Variants in SNAP29 observed in about 807,000 individuals in gnomAD.
SNAP29 encodes synaptosome associated protein 29.
SNAP29 carries 13 observed loss-of-function variants against 27.9 expected under a neutral mutation model. The ratio of observed to expected loss-of-function variants is 0.47; its 90% CI spans 0.30 to 0.74. The LOEUF is 0.74. SNAP29 is among the 30% of genes least tolerant of loss of function. The pLI is 0.06. For missense variants in SNAP29, 368 were observed against 336.5 expected, an observed-to-expected ratio of 1.09 and a Z score of -0.73; for synonymous variants, 119 against 127.1, an observed-to-expected ratio of 0.94 and a Z score of 0.43.
Position 20,890,546 on chromosome 22 carries a change from A to G in SNAP29, c.*2710A>G, listed in dbSNP as rs1929125116. ...GCCAAGGCGGGGGGATCACGAGGTC[A>G]GGAGATCGAGACCATCCTGGCTAAC... On this transcript the variant is annotated 3_prime_UTR_variant, in exon 5 of 5. Transcript: ENST00000215730. 5.4e-6 allele frequency: 2 copies of G among 367,544 alleles called. No homozygotes were observed. The highest frequency in any genetic ancestry group is 9.7e-6 in the Non-Finnish European group (2 of 207,062). The allele number at this position is 367,544 out of a possible 1,614,324, so 22.8% of individuals were successfully genotyped here.
chr22:20,862,246 A>G (rs1928342119), intron 1 of SNAP29, among the ~76,000 whole-genome samples: 2 of 152,208 alleles, frequency 1.3e-5, no homozygotes, highest in South Asian at 4.1e-4. Flanking sequence ...TTCAACTAAC[A>G]ACTATTTAAG....
intron 1 of SNAP29, among the ~76,000 whole-genome samples, chr22:20,866,909 G>C (rs1226130421): frequency 1.3e-5 from 2 of 152,170 alleles, no homozygotes; most frequent in Admixed American, 1.3e-4. Flanking sequence ...AGGTGACTCT[G>C]TGTGTGTATG....
chr22:20,880,236 G>A (rs983683436), intron 2 of SNAP29, among the ~76,000 whole-genome samples: 3 of 152,118 alleles, frequency 2.0e-5, no homozygotes, highest in Non-Finnish European at 4.4e-5. Context: ...AGTGGCTCAT[G>A]TCTGTAATCC....
Position 20,872,339 on chromosome 22 carries a change from A to G in SNAP29, c.434+1806A>G, listed in dbSNP as rs1475433306. 3.3e-5 allele frequency among the ~76,000 whole-genome samples: 5 copies of G among 151,922 alleles called. No individual in the cohort carries two copies. In the East Asian group the frequency reaches 9.7e-4, roughly 29 times the overall value. ...CACTGCAACCTCTGCCTTCCAGGTT[A>G]AAGCGATTCTCCTGCCTCAGCCTCC... On this transcript the variant is annotated intron_variant, in intron 2 of 4. Coordinates refer to ENST00000215730, the MANE Select transcript of SNAP29 (RefSeq NM_004782.4).
At chr22:20,870,584 G>A in intron 2 of SNAP29, 51 bp downstream of exon 2, 1 of 1,548,204 alleles carries the variant, frequency 6.5e-7, no homozygotes, top group Non-Finnish European at 8.9e-7. Flanking sequence ...GTGGGGATTA[G>A]TGCAAATGAC....
intron 2 of SNAP29, among the ~76,000 whole-genome samples, chr22:20,874,335 C>CACAA (rs1402148841): frequency 6.9e-6 from 1 of 145,358 alleles, no homozygotes; most frequent in Non-Finnish European, 1.5e-5. Context: ...CACACACACA[C>CACAA]ACACGAAAAT....
chr22:20,884,392 CA>C (rs1928965570), intron 4 of SNAP29, among the ~76,000 whole-genome samples: 1 of 152,072 alleles, frequency 6.6e-6, no homozygotes. Context: ...CATGGAACCC[CA>C]CACACTCACA....
At chr22:20,881,316 G>A (rs1266704635) in intron 3 of SNAP29, among the ~76,000 whole-genome samples, 182 bp downstream of exon 3, 1 of 152,154 alleles carries the variant, frequency 6.6e-6, no homozygotes, top group Non-Finnish European at 1.5e-5. Flanking sequence ...CGGAGCTGGG[G>A]GTGTGCATTA....
At position 20,888,859 on chromosome 22, in the gene SNAP29, T is replaced by C. The variant is rs2147875612; in HGVS notation, c.*1023T>C. On this transcript the variant is annotated 3_prime_UTR_variant, in exon 5 of 5. Transcript: ENST00000215730. ...GGTAACTTGAATCATCACTTATTTC[T>C]CTGCCACCTGGTTTTAGGACTGGCA... 1 of 152,350 alleles carries C rather than the reference T, an allele frequency of 6.6e-6. No homozygotes were observed. The highest frequency in any genetic ancestry group is 2.4e-5 in the African/African-American group (1 of 41,584). The allele number at this position is 152,350 out of a possible 1,614,324, so 9.4% of individuals were successfully genotyped here. A position where few individuals can be genotyped will look rare whatever the true frequency, so the allele number is the denominator to read the frequency against.
intron 1 of SNAP29, among the ~76,000 whole-genome samples, chr22:20,867,367 C>A (rs897296148): frequency 1.3e-5 from 2 of 151,694 alleles, no homozygotes; most frequent in African/African-American, 4.8e-5. Flanking sequence ...GTACCTGGAG[C>A]GGTTGAGGCC....
At chr22:20,883,848 C>T (rs891976716) in intron 4 of SNAP29, among the ~76,000 whole-genome samples, 7 of 152,162 alleles carry the variant, frequency 4.6e-5, no homozygotes, top group Admixed American at 1.3e-4. Flanking sequence ...ATAGCCTGGA[C>T]GTGACCGCTC....
Position 20,881,060 on chromosome 22 carries a change from C to G in SNAP29, c.446C>G (p.Ala149Gly). Residue 149 changes from alanine to glycine, a missense_variant, in exon 3 of 5, where the codon GCT becomes GGT. Coordinates refer to ENST00000215730, the MANE Select transcript of SNAP29 (RefSeq NM_004782.4). ...TSQPNNRLKE[A>G]ISTSKEQEAK... Reference sequence around the variant, plus strand: ...ACTTTTATCCAAAGATTGAAAGAAGCTATAAGTACAAGTAAAGAACAGGAA... The same window carrying G: ...ACTTTTATCCAAAGATTGAAAGAAGGTATAAGTACAAGTAAAGAACAGGAA... 1 of 1,609,268 alleles carries G rather than the reference C, an allele frequency of 6.2e-7. No individual in the cohort carries two copies. The highest frequency in any genetic ancestry group is 1.1e-5 in the South Asian group (1 of 91,004).
At chr22:20,878,649 G>A (rs896945848) in intron 2 of SNAP29, among the ~76,000 whole-genome samples, 4 of 152,138 alleles carry the variant, frequency 2.6e-5, no homozygotes, top group East Asian at 1.9e-4. Flanking sequence ...TCAAGAGGGC[G>A]TTTGTTTTGC....
At chr22:20,878,358 A>G (rs377408091) in intron 2 of SNAP29, among the ~76,000 whole-genome samples, 137 of 152,136 alleles carry the variant, frequency 9.0e-4, no homozygotes, top group African/African-American at 3.0e-3. Flanking sequence ...TGGCTAACAC[A>G]GTGAAACCCT....
At chr22:20,881,412 C>G (rs1222176297) in intron 3 of SNAP29, among the ~76,000 whole-genome samples, 1 of 152,200 alleles carries the variant, frequency 6.6e-6, no homozygotes, top group Non-Finnish European at 1.5e-5. Flanking sequence ...GAAAATGAGC[C>G]TGCCCGGCCA....
At chr22:20,861,236 G>T (rs1928311659) in intron 1 of SNAP29, among the ~76,000 whole-genome samples, 1 of 147,886 alleles carries the variant, frequency 6.8e-6, no homozygotes, top group Admixed American at 6.8e-5. Flanking sequence ...TCCTGCCTCA[G>T]CCTCCTGAGT....
intron 2 of SNAP29, among the ~76,000 whole-genome samples, chr22:20,871,698 T>C (rs1354954084): frequency 3.3e-5 from 5 of 151,966 alleles, no homozygotes; most frequent in Admixed American, 2.6e-4. Flanking sequence ...CTGGCTAACA[T>C]GGTGAAACCC....
intron 1 of SNAP29, among the ~76,000 whole-genome samples, chr22:20,864,334 G>A (rs924613073): frequency 1.2e-4 from 18 of 152,194 alleles, no homozygotes; most frequent in African/African-American, 4.1e-4. Context: ...GTCTCGTGCA[G>A]GGGCCCACCC....
chr22:20,871,482 TAA>T (rs58294079), intron 2 of SNAP29, among the ~76,000 whole-genome samples: 17 of 64,154 alleles, frequency 2.6e-4, no homozygotes, highest in African/African-American at 2.5e-4. Flanking sequence ...TCCCTGTCTC[TAA>T]AAAAAAAAAA....
Sources: gnomAD v4.1 joint callset for allele counts (sites outside exome capture counted in the v4.1 genomes callset) on GRCh38, gnomAD v4.1.1 for gene constraint, MANE v1.5 for transcripts, NCBI Gene and HGNC (gene_info 2026-07-23, HGNC 2026-07-21) for gene names.